Variants in XXYLT1 observed in about 807,000 individuals in gnomAD.
The protein encoded by XXYLT1 is xyloside xylosyltransferase 1.
A neutral mutation model predicts 28.9 loss-of-function variants in XXYLT1; 20 were observed. The ratio of observed to expected loss-of-function variants is 0.69; its 90% CI spans 0.49 to 1.00. XXYLT1 has a LOEUF of 1.00. Ranked by LOEUF, XXYLT1 falls within the 50% of genes least tolerant of loss-of-function variation. The pLI, the probability that XXYLT1 is intolerant of heterozygous loss-of-function variation, is 0.00. For synonymous variants in XXYLT1, 257 were observed against 253.8 expected (o/e 1.01, Z -0.12); for missense variants, 542 against 560.1 (o/e 0.97, Z 0.33).
At chr3:195,186,709 T>C (rs1722211859) in intron 2 of XXYLT1, among the ~76,000 whole-genome samples, 1 of 152,012 alleles carries the variant, frequency 6.6e-6, no homozygotes, top group African/African-American at 2.4e-5. Flanking sequence ...CTGCTTAATG[T>C]CTATCTTCAC....
chr3:195,083,610 G>C (rs1715558214), intron 3 of XXYLT1, among the ~76,000 whole-genome samples: 1 of 152,160 alleles, frequency 6.6e-6, no homozygotes, highest in African/African-American at 2.4e-5. Context: ...AGGAGGAGAA[G>C]AACACCTCTC....
At chr3:195,131,781 A>C (rs1718919341) in intron 3 of XXYLT1, among the ~76,000 whole-genome samples, 2 of 152,212 alleles carry the variant, frequency 1.3e-5, no homozygotes, top group Non-Finnish European at 2.9e-5. Flanking sequence ...GTCATCACAA[A>C]ATATATAATA....
rs750801631 is a variant in XXYLT1 at position 195,257,961 on chromosome 3, G to A, written c.504+12594C>T. 1.3e-5 allele frequency among the ~76,000 whole-genome samples: 2 copies of A among 152,126 alleles called. No individual in the cohort carries two copies. The highest frequency in any genetic ancestry group is 2.4e-5 in the African/African-American group (1 of 41,436). On this transcript the variant is annotated intron_variant, in intron 1 of 3. Transcript: ENST00000310380. This position sits in a 1 kb window ranked among gnomAD's most constrained non-coding sequence, Gnocchi z 4.3. ...GCACACCCACAATCCTCGACCCTGT[G>A]TCTTCCTACCCCCTAGACAGCAGGT...
chr3:195,096,355 AAAC>A (rs1404418869), intron 3 of XXYLT1, among the ~76,000 whole-genome samples: 6 of 152,272 alleles, frequency 3.9e-5, no homozygotes, highest in South Asian at 4.1e-4. Flanking sequence ...AGGTGCGGAG[AAAC>A]AACATGTGAC....
intron 1 of XXYLT1, among the ~76,000 whole-genome samples, chr3:195,246,796 G>A (rs911087382): frequency 6.6e-6 from 1 of 152,192 alleles, no homozygotes; most frequent in Non-Finnish European, 1.5e-5. Context: ...CAGGCTGAGG[G>A]GTTCCACAAG....
At chr3:195,172,267 G>A (rs544325657) in intron 2 of XXYLT1, among the ~76,000 whole-genome samples, 1 of 152,296 alleles carries the variant, frequency 6.6e-6, no homozygotes, top group African/African-American at 2.4e-5. Context: ...CCTAACGAGA[G>A]GCTTGCCATG....
rs764899887 is a variant in XXYLT1, at chr3:195,156,470, C to T, written c.764G>A (p.Arg255Gln). 1.5e-5 allele frequency: 24 copies of T among 1,614,010 alleles called. No homozygotes were observed. The highest frequency in any genetic ancestry group is 6.7e-5 in the East Asian group (3 of 44,900). The change falls in exon 3 of 4, where the codon CGG becomes CAG. Residue 255 changes from arginine to glutamine, a missense_variant. Transcript: ENST00000310380. The part of the protein sequence containing the change: ...FLPGAIIGIA[R>Q]EMQPVYRHTF... ...GCACCTGTAAACTGGCTGCATCTCC[C>T]GGGCTATGCCGATGATGGCGCCTGG...
intron 1 of XXYLT1, chr3:195,259,530 G>T: frequency 1.0e-6 from 1 of 980,270 alleles, no homozygotes; most frequent in Non-Finnish European, 1.2e-6. Flanking sequence ...CTTCCAGCAA[G>T]CAGGCGGCCG....
chr3:195,093,780 A>G (rs1184778215), intron 3 of XXYLT1: 1 of 152,228 alleles, frequency 6.6e-6, no homozygotes, highest in Non-Finnish European at 1.5e-5. Flanking sequence ...AAATAACAGC[A>G]GTTCTGCTGC....
At chr3:195,098,580 C>A (rs774612667) in intron 3 of XXYLT1, among the ~76,000 whole-genome samples, 2 of 152,120 alleles carry the variant, frequency 1.3e-5, no homozygotes, top group African/African-American at 4.8e-5. Flanking sequence ...GTTAAAATGG[C>A]GAATTCTGTG....
At chr3:195,261,796 C>G (rs891519379) in intron 1 of XXYLT1, among the ~76,000 whole-genome samples, 2 of 152,130 alleles carry the variant, frequency 1.3e-5, no homozygotes, top group African/African-American at 4.8e-5. Context: ...TAGGGAAATG[C>G]AGACCAAAAC....
chr3:195,118,747 G>A (rs1477310721), intron 3 of XXYLT1, among the ~76,000 whole-genome samples: 2 of 152,154 alleles, frequency 1.3e-5, no homozygotes, highest in African/African-American at 4.8e-5. Context: ...AGAGAGACCT[G>A]GGCCTGGAGT....
chr3:195,083,746 C>T (rs976166398), intron 3 of XXYLT1, among the ~76,000 whole-genome samples: 23 of 152,162 alleles, frequency 1.5e-4, no homozygotes, highest in African/African-American at 5.1e-4. Context: ...CTGCGCCTGG[C>T]GGTGCACAGT....
At chr3:195,104,013 A>G (rs1306523329) in intron 3 of XXYLT1, among the ~76,000 whole-genome samples, 2 of 152,218 alleles carry the variant, frequency 1.3e-5, no homozygotes, top group Non-Finnish European at 2.9e-5. Context: ...ACATTTTCCT[A>G]TAACAACTAT....
chr3:195,080,588 CCA>C (rs1380526501), intron 3 of XXYLT1, among the ~76,000 whole-genome samples: 2 of 152,286 alleles, frequency 1.3e-5, no homozygotes, highest in African/African-American at 4.8e-5. Flanking sequence ...GAAGACAAAA[CCA>C]CAGAGGGTCA....
At chr3:195,110,529 ACGTG>A (rs1374950675) in intron 3 of XXYLT1, among the ~76,000 whole-genome samples, 45 of 21,140 alleles carry the variant, frequency 2.1e-3, no homozygotes, top group Admixed American at 4.4e-3. Context: ...TGCGTGGTGT[ACGTG>A]TGCGTGTGTG....
chr3:195,118,642 C>T (rs1466522609), intron 3 of XXYLT1, among the ~76,000 whole-genome samples: 1 of 147,508 alleles, frequency 6.8e-6, no homozygotes, highest in Admixed American at 6.8e-5. Context: ...GCCACAGGCA[C>T]CTATGCCCCA....
At chr3:195,112,691 GCA>G (rs1261195923) in intron 3 of XXYLT1, among the ~76,000 whole-genome samples, 10 of 140,362 alleles carry the variant, frequency 7.1e-5, no homozygotes, top group Admixed American at 2.9e-4. Context: ...ATGAAGCAGT[GCA>G]CACACACACG....
At chr3:195,155,583 G>T (rs760393069) in intron 3 of XXYLT1, among the ~76,000 whole-genome samples, 2 of 149,308 alleles carry the variant, frequency 1.3e-5, no homozygotes, top group Non-Finnish European at 3.0e-5. Flanking sequence ...ACACAAAAAA[G>T]TGCATGCAAA....
Sources: gnomAD v4.1 joint callset for allele counts (sites outside exome capture counted in the v4.1 genomes callset) on GRCh38, gnomAD v4.1.1 for gene constraint, Gnocchi (gnomAD v3.1) non-coding constraint, MANE v1.5 for transcripts, NCBI Gene and HGNC (gene_info 2026-07-23, HGNC 2026-07-21) for gene names.